CERS3: variants seen among roughly 807,000 people sequenced by gnomAD.
The protein encoded by CERS3 is ceramide synthase 3.
In CERS3, 33 loss-of-function variants were observed where a neutral mutation model predicts 50.3. The ratio of observed to expected loss-of-function variants is 0.66; its 90% CI spans 0.50 to 0.88. The LOEUF is 0.88. Among genes scored for constraint, CERS3 ranks in the 40% least tolerant of loss-of-function variants. CERS3 has a pLI of 0.00. For synonymous variants in CERS3, 176 were observed against 155.2 expected, an observed-to-expected ratio of 1.13 and a Z score of -0.99; for missense variants, 470 against 460.3, an observed-to-expected ratio of 1.02 and a Z score of -0.19.
intron 2 of CERS3, among the ~76,000 whole-genome samples, chr15:100,507,257 T>C (rs1443354442): frequency 6.6e-6 from 1 of 152,174 alleles, no homozygotes; most frequent in East Asian, 1.9e-4. Flanking sequence ...TGAAGAAGTG[T>C]CTCTCCCAGA....
chr15:100,456,808 G>A (rs1457110247), intron 10 of CERS3, among the ~76,000 whole-genome samples: 2 of 152,152 alleles, frequency 1.3e-5, no homozygotes, highest in Admixed American at 6.5e-5. Context: ...TTAGCTGGGT[G>A]TGGTGGCATG....
intron 11 of CERS3, among the ~76,000 whole-genome samples, chr15:100,421,778 CG>C (rs1251795729): frequency 7.4e-6 from 1 of 134,692 alleles, no homozygotes; most frequent in Non-Finnish European, 1.6e-5. Context: ...GAAATAATGC[CG>C]CGTATCTACA....
At chr15:100,421,724 A>C (rs2032444953) in intron 11 of CERS3, among the ~76,000 whole-genome samples, 1 of 147,138 alleles carries the variant, frequency 6.8e-6, no homozygotes, top group African/African-American at 2.5e-5. Flanking sequence ...TGGTACTGGT[A>C]CCAAAACAGA....
intron 11 of CERS3, among the ~76,000 whole-genome samples, chr15:100,405,685 A>G (rs1032990800): frequency 6.6e-6 from 1 of 152,240 alleles, no homozygotes; most frequent in Non-Finnish European, 1.5e-5. Flanking sequence ...GGTTGCTGGA[A>G]CTGGGTTACA....
intron 1 of CERS3, among the ~76,000 whole-genome samples, chr15:100,539,684 T>C (rs903776843): frequency 2.0e-5 from 3 of 152,206 alleles, no homozygotes; most frequent in East Asian, 1.9e-4. Flanking sequence ...ATGTGGATTA[T>C]GGGGATTATA....
intron 2 of CERS3, among the ~76,000 whole-genome samples, chr15:100,504,873 G>A (rs906677985): frequency 1.3e-5 from 2 of 152,196 alleles, no homozygotes; most frequent in Non-Finnish European, 2.9e-5. Flanking sequence ...CTGACCAAAA[G>A]GGGAATTTAG....
chr15:100,534,241 C>T (rs2037016982), intron 1 of CERS3, among the ~76,000 whole-genome samples: 1 of 152,160 alleles, frequency 6.6e-6, no homozygotes, highest in African/African-American at 2.4e-5. Flanking sequence ...CCCTCAATAC[C>T]ATTTTGTGCT....
Position 100,490,820 on chromosome 15 carries a change from C to T in CERS3, c.285G>A (p.Leu95=), listed in dbSNP as rs1031195662. The part of the protein sequence containing the change: ...NFFKHSTRQP[L]QTDIYGLAKK... ...AAAGCAAAGAATTTGTACTTACTTG[C>T]AATGGTTGCCTTGTGGAATGTTTGA... The change falls in exon 4 of 12, where the codon TTG becomes TTA. Residue 95 remains leucine (L), a synonymous_variant. Transcript: ENST00000679737. 3.8e-6 allele frequency: 6 copies of T among 1,585,712 alleles called. No homozygotes were observed. The highest frequency in any genetic ancestry group is 3.3e-5 in the Admixed American group (2 of 59,718).
At chr15:100,488,869 CT>C (rs2035565106) in intron 4 of CERS3, among the ~76,000 whole-genome samples, 1 of 151,996 alleles carries the variant, frequency 6.6e-6, no homozygotes. Context: ...CTCCAACTCC[CT>C]GGTTCAAGCT....
Position 100,423,781 on chromosome 15 carries a change from C to G in CERS3, c.1000-20916G>C, listed in dbSNP as rs574858145. 2.5e-4 allele frequency among the ~76,000 whole-genome samples: 38 copies of G among 152,264 alleles called. No individual in the cohort carries two copies. In the South Asian group the frequency reaches 7.7e-3, roughly 31 times the overall value. On this transcript the variant is annotated intron_variant, in intron 11 of 11. Coordinates refer to ENST00000679737, the MANE Select transcript of CERS3 (RefSeq NM_001378789.1). ...AAGTTGAAAAAGAGCTCCTCTTCCC[C>G]CTACTCCAGCCATGTAAGATGTGCC...
At chr15:100,405,152 T>G (rs1472437677) in intron 11 of CERS3, among the ~76,000 whole-genome samples, 1 of 149,352 alleles carries the variant, frequency 6.7e-6, no homozygotes, top group Middle Eastern at 3.2e-3. Context: ...AATGAAAGGA[T>G]AAGCTGCAAA....
chr15:100,455,173 C>T (rs1320511353), intron 11 of CERS3, among the ~76,000 whole-genome samples: 1 of 151,722 alleles, frequency 6.6e-6, no homozygotes, highest in Non-Finnish European at 1.5e-5. Flanking sequence ...CTATGGAAAA[C>T]GGAATGCAGA....
chr15:100,502,211 C>T (rs1331526285), intron 2 of CERS3, among the ~76,000 whole-genome samples: 1 of 138,730 alleles, frequency 7.2e-6, no homozygotes, highest in Non-Finnish European at 1.5e-5. Flanking sequence ...CGCCACTGTA[C>T]TCCAGCCTGG....
At chr15:100,413,277 T>G (rs1193853742) in intron 11 of CERS3, among the ~76,000 whole-genome samples, 3 of 152,136 alleles carry the variant, frequency 2.0e-5, no homozygotes, top group Non-Finnish European at 2.9e-5. Flanking sequence ...ATAAAAATTC[T>G]CTGGGATTTT....
At chr15:100,471,668 A>C (rs911460142) in intron 9 of CERS3, among the ~76,000 whole-genome samples, 4 of 152,320 alleles carry the variant, frequency 2.6e-5, no homozygotes, top group Non-Finnish European at 2.9e-5. Flanking sequence ...ACCATACAGA[A>C]AAAAACGGCA....
chr15:100,450,836 C>G (rs1286142559), intron 11 of CERS3, among the ~76,000 whole-genome samples: 2 of 151,932 alleles, frequency 1.3e-5, no homozygotes, highest in Non-Finnish European at 2.9e-5. Context: ...GTAAGGGAAC[C>G]ATCATCGGAC....
chr15:100,410,795 C>G lies in CERS3; in HGVS notation c.1000-7930G>C, dbSNP rs531589519. On this transcript the variant is annotated intron_variant, in intron 11 of 11. Transcript: ENST00000679737. ...GAAGTGTCAAAGCATTGTCTAAAGT[C>G]CTTTTTAAATTTCTGTGGCAAAATG... 1.6e-3 allele frequency among the ~76,000 whole-genome samples: 239 copies of G among 152,304 alleles called. 3 individuals carry two copies. The highest frequency in any genetic ancestry group is 3.9e-4 in the East Asian group (2 of 5,174).
chr15:100,532,993 T>C (rs1239758789), upstream of CERS3, among the ~76,000 whole-genome samples: 1 of 152,192 alleles, frequency 6.6e-6, no homozygotes, highest in African/African-American at 2.4e-5. Context: ...GATTATAGGA[T>C]GAGAGGACCT....
chr15:100,460,848 A>G (rs923211820), intron 10 of CERS3, among the ~76,000 whole-genome samples: 1 of 152,224 alleles, frequency 6.6e-6, no homozygotes, highest in Non-Finnish European at 1.5e-5. Context: ...AATTAACTAA[A>G]CATAAAATTG....
Sources: allele counts gnomAD v4.1 joint callset (sites outside exome capture counted in the v4.1 genomes callset), GRCh38; gene constraint gnomAD v4.1.1; transcripts MANE v1.5; gene names NCBI Gene and HGNC (gene_info 2026-07-23, HGNC 2026-07-21).